CNTNAP2: variants seen among roughly 807,000 people sequenced by gnomAD.
CNTNAP2 encodes the protein contactin-associated protein-like 2.
In CNTNAP2, 98 loss-of-function variants were observed where a neutral mutation model predicts 155.2. The observed-to-expected ratio is 0.63, with a 90% confidence interval of 0.54 to 0.75. The LOEUF (loss-of-function observed/expected upper bound fraction) is 0.75, where lower values mean the gene tolerates loss of function less well. Ranked by LOEUF, CNTNAP2 falls within the 30% of genes least tolerant of loss-of-function variation. The pLI is 0.00. For synonymous variants in CNTNAP2, 651 were observed against 631.2 expected (o/e 1.03, Z -0.47); for missense variants, 1,727 against 1,688.1 (o/e 1.02, Z -0.40).
intron 1 of CNTNAP2, among the ~76,000 whole-genome samples, chr7:146,476,068 C>G (rs930176640): frequency 2.0e-5 from 3 of 152,182 alleles, no homozygotes; most frequent in Non-Finnish European, 4.4e-5. Flanking sequence ...GGAATCAGCT[C>G]TCACTGAAAT....
intron 2 of CNTNAP2, among the ~76,000 whole-genome samples, chr7:146,826,855 T>C (rs2727627): frequency 7.1e-6 from 1 of 140,062 alleles, no homozygotes; most frequent in Admixed American, 7.2e-5. Flanking sequence ...TATATATATA[T>C]ATAGAGAGAG....
chr7:147,365,218 A>G (rs1167175598), intron 9 of CNTNAP2, among the ~76,000 whole-genome samples: 1 of 151,892 alleles, frequency 6.6e-6, no homozygotes, highest in Non-Finnish European at 1.5e-5. Context: ...AGCCTGGCCA[A>G]CATGGTGAAA....
At chr7:146,241,370 CTAGTCTATA>C (rs1799560092) in intron 1 of CNTNAP2, among the ~76,000 whole-genome samples, 1 of 152,182 alleles carries the variant, frequency 6.6e-6, no homozygotes. Flanking sequence ...AAGGATTAAA[CTAGTCTATA>C]TAGGCCATCA....
intron 15 of CNTNAP2, among the ~76,000 whole-genome samples, chr7:148,019,797 G>T (rs961248143): frequency 6.6e-6 from 1 of 151,140 alleles, no homozygotes; most frequent in Non-Finnish European, 1.5e-5. Context: ...GTGAGGGGAG[G>T]GTGAGGAGAA....
intron 3 of CNTNAP2, among the ~76,000 whole-genome samples, chr7:146,971,054 A>C (rs1453305326): frequency 1.3e-5 from 2 of 152,066 alleles, no homozygotes; most frequent in African/African-American, 4.8e-5. Context: ...CACTCTGCAG[A>C]CTGTTGTGGG....
At chr7:147,156,080 C>A (rs987282258) in intron 8 of CNTNAP2, among the ~76,000 whole-genome samples, 2 of 152,056 alleles carry the variant, frequency 1.3e-5, no homozygotes, top group Non-Finnish European at 2.9e-5. Flanking sequence ...CAGTCTTCCT[C>A]CAGTACTTGT....
At chr7:148,009,071 G>A (rs35543022) in intron 15 of CNTNAP2, among the ~76,000 whole-genome samples, 6,047 of 152,240 alleles carry the variant, frequency 0.04, 248 homozygotes, top group East Asian at 0.24. Flanking sequence ...TGCACAATGA[G>A]GTTATGTCCC....
chr7:147,743,429 C>T (rs566685760), intron 13 of CNTNAP2, among the ~76,000 whole-genome samples: 1 of 152,046 alleles, frequency 6.6e-6, no homozygotes, highest in Non-Finnish European at 1.5e-5. Context: ...GCTGTAAAAC[C>T]GGATGCCCCA....
intron 21 of CNTNAP2, among the ~76,000 whole-genome samples, chr7:148,354,796 G>A (rs909387030): frequency 6.6e-6 from 1 of 151,432 alleles, no homozygotes; most frequent in African/African-American, 2.4e-5. Flanking sequence ...CCCTAGAATG[G>A]CCAGCCCACC....
At chr7:147,589,834 C>G (rs1227708644) in intron 12 of CNTNAP2, among the ~76,000 whole-genome samples, 2 of 152,090 alleles carry the variant, frequency 1.3e-5, no homozygotes, top group Non-Finnish European at 2.9e-5. Context: ...TAACACTATA[C>G]AGTTATTCAG....
intron 13 of CNTNAP2, among the ~76,000 whole-genome samples, chr7:147,719,557 C>T (rs1001010742): frequency 6.6e-6 from 1 of 151,910 alleles, no homozygotes; most frequent in Non-Finnish European, 1.5e-5. Flanking sequence ...CAGCAACCAC[C>T]GGAGCAAATT....
intron 4 of CNTNAP2, among the ~76,000 whole-genome samples, chr7:147,105,369 C>T (rs888737999): frequency 1.3e-5 from 2 of 151,890 alleles, no homozygotes; most frequent in Admixed American, 1.3e-4. Flanking sequence ...CATTATTGTT[C>T]AGATTGCTTA....
rs189077884 is a variant in CNTNAP2 at position 147,177,101 on chromosome 7, A to T, written c.1348+44592A>T. Among the ~76,000 whole-genome samples, 508 of 149,962 alleles carry T rather than the reference A, an allele frequency of 3.4e-3. 1 individual carries two copies. Among genetic ancestry groups the T allele is most frequent in the Non-Finnish European group, 5.6e-3 (379 of 67,724 alleles). ...TAATATAATAGAATCATATTCTGTC[A>T]TCTTTTCACTTCAGTCTATCTCTTT... On this transcript the variant is annotated intron_variant, in intron 8 of 23. Transcript: ENST00000361727.
intron 11 of CNTNAP2, among the ~76,000 whole-genome samples, chr7:147,508,385 T>C (rs1191706843): frequency 6.6e-6 from 1 of 152,186 alleles, no homozygotes; most frequent in Non-Finnish European, 1.5e-5. Context: ...GGTCACCAAG[T>C]TCAGCATCTT....
chr7:146,384,531 T>C (rs1033888899), intron 1 of CNTNAP2, among the ~76,000 whole-genome samples: 5 of 152,304 alleles, frequency 3.3e-5, no homozygotes, highest in African/African-American at 9.6e-5. Flanking sequence ...ATATCCTCTG[T>C]AAGTATTAAA....
At chr7:146,129,681 G>T (rs1797687349) in intron 1 of CNTNAP2, among the ~76,000 whole-genome samples, 1 of 152,046 alleles carries the variant, frequency 6.6e-6, no homozygotes, top group Non-Finnish European at 1.5e-5. Flanking sequence ...CTACATTTTA[G>T]TTTAAAAATT....
At chr7:147,712,983 A>G (rs1035294903) in intron 13 of CNTNAP2, among the ~76,000 whole-genome samples, 3 of 152,158 alleles carry the variant, frequency 2.0e-5, no homozygotes, top group African/African-American at 4.8e-5. Context: ...CTCTGCCCAC[A>G]TTAGTCAGTG....
intron 15 of CNTNAP2, among the ~76,000 whole-genome samples, chr7:148,044,088 G>C (rs1802726069): frequency 6.6e-6 from 1 of 152,040 alleles, no homozygotes; most frequent in Non-Finnish European, 1.5e-5. Flanking sequence ...CAAACAAAAA[G>C]CATAAGGAGA....
chr7:146,713,480 C>A (rs1271287700), intron 1 of CNTNAP2, among the ~76,000 whole-genome samples: 1 of 152,136 alleles, frequency 6.6e-6, no homozygotes, highest in Admixed American at 6.6e-5. Flanking sequence ...AGTTCGTAAG[C>A]TGTGCTGGCT....
Sources: allele counts gnomAD v4.1 joint callset (sites outside exome capture counted in the v4.1 genomes callset), GRCh38; gene constraint gnomAD v4.1.1; transcripts MANE v1.5; gene names NCBI Gene and HGNC (gene_info 2026-07-23, HGNC 2026-07-21).